Variants in CLRN1 observed in about 807,000 individuals in gnomAD.
The protein encoded by CLRN1 is clarin 1.
A neutral mutation model predicts 18.7 loss-of-function variants in CLRN1; 15 were observed. The ratio of observed to expected loss-of-function variants is 0.80; its 90% CI spans 0.54 to 1.23. The LOEUF is 1.23. Among genes scored for constraint, CLRN1 ranks in the 50% most tolerant of loss-of-function variants. The probability of loss-of-function intolerance (pLI) is 0.00; values close to 1 mark genes in which losing one functional copy is unlikely to be tolerated. For synonymous variants in CLRN1, 104 were observed against 102.9 expected, an observed-to-expected ratio of 1.01 and a Z score of -0.07; for missense variants, 311 against 277.5, an observed-to-expected ratio of 1.12 and a Z score of -0.86.
intron 1 of CLRN1, among the ~76,000 whole-genome samples, chr3:150,971,190 T>A (rs976742042): frequency 1.2e-4 from 18 of 152,190 alleles, no homozygotes; most frequent in Non-Finnish European, 4.4e-5. Flanking sequence ...ACATTCTGCT[T>A]TGTTTTCTTC....
intron 1 of CLRN1, among the ~76,000 whole-genome samples, chr3:150,968,868 T>C (rs1715388074): frequency 6.6e-6 from 1 of 152,146 alleles, no homozygotes; most frequent in African/African-American, 2.4e-5. Context: ...CTCCAGACAC[T>C]GCATATATTC....
At position 150,927,872 on chromosome 3, in the gene CLRN1, A is replaced by C; in HGVS notation, c.*64T>G. The C allele has an allele frequency of 1.9e-6, 3 of 1,584,894 alleles. No homozygotes were observed. Among genetic ancestry groups the C allele is most frequent in the Non-Finnish European group, 2.6e-6 (3 of 1,154,862 alleles). The stretch of plus-strand genomic sequence containing the variant: ...GCAGACTAAAAGGATATGCAAAATT[A>C]ACCACATCTAAAAGTGACCAAAGCA... On this transcript the variant is annotated 3_prime_UTR_variant, in exon 3 of 3. Coordinates refer to ENST00000327047, the MANE Select transcript of CLRN1 (RefSeq NM_174878.3).
intron 1 of CLRN1, 133 bp from the exon 2 acceptor site, chr3:150,941,894 T>C: frequency 1.2e-6 from 1 of 819,080 alleles, no homozygotes; most frequent in Non-Finnish European, 2.0e-6. Flanking sequence ...CATTCTCACT[T>C]ACTAACTTAT....
intron 2 of CLRN1, among the ~76,000 whole-genome samples, chr3:150,930,340 G>C (rs1713070489): frequency 2.0e-5 from 3 of 152,178 alleles, no homozygotes; most frequent in Admixed American, 2.0e-4. Context: ...GTTTGGGGTA[G>C]AGGCAGAGAT....
intron 2 of CLRN1, among the ~76,000 whole-genome samples, chr3:150,930,293 G>C (rs374747616): frequency 6.6e-6 from 1 of 152,220 alleles, no homozygotes; most frequent in East Asian, 1.9e-4. Context: ...TACGGTGCAA[G>C]TGACAGCCCC....
At chr3:150,940,659 T>G (rs774670093) in intron 2 of CLRN1, 2 of 753,476 alleles carry the variant, frequency 2.7e-6, no homozygotes, top group Non-Finnish European at 4.1e-6. Flanking sequence ...GTGTTGGATC[T>G]TTTTGCAAAG....
chr3:150,972,800 GA>G (rs1715620616), upstream of CLRN1: 1 of 1,569,186 alleles, frequency 6.4e-7, no homozygotes, highest in African/African-American at 1.4e-5. Context: ...ATTTATTACG[GA>G]AGCTGAACGG....
At chr3:150,970,865 C>T (rs185955617) in intron 1 of CLRN1, among the ~76,000 whole-genome samples, 6 of 152,268 alleles carry the variant, frequency 3.9e-5, no homozygotes, top group East Asian at 1.9e-4. Flanking sequence ...AAAAATCATT[C>T]GCTAAACCCC....
chr3:150,937,625 A>G (rs922570442), intron 2 of CLRN1, among the ~76,000 whole-genome samples: 11 of 152,214 alleles, frequency 7.2e-5, no homozygotes, highest in Non-Finnish European at 1.3e-4. Flanking sequence ...TGGGAAAAAG[A>G]CTTCTCAGCA....
chr3:150,934,427 A>T (rs1559979337), intron 2 of CLRN1, among the ~76,000 whole-genome samples: 1 of 152,236 alleles, frequency 6.6e-6, no homozygotes, highest in Non-Finnish European at 1.5e-5. Flanking sequence ...AGCTATATGT[A>T]AGAAAGCCTA....
chr3:150,939,002 T>C (rs535127657), intron 2 of CLRN1, among the ~76,000 whole-genome samples: 2 of 152,350 alleles, frequency 1.3e-5, no homozygotes, highest in Admixed American at 6.5e-5. Flanking sequence ...GTCTTCCAAG[T>C]GCGCTGTTCT....
intron 1 of CLRN1, among the ~76,000 whole-genome samples, chr3:150,961,806 G>A (rs554330773): frequency 4.6e-5 from 7 of 152,202 alleles, no homozygotes; most frequent in Admixed American, 6.5e-5. Flanking sequence ...TCCAGTAAAA[G>A]ACATTCTCTG....
rs73153899 is a variant in CLRN1 at position 150,936,694 on chromosome 3, C to T, written c.433+4888G>A. Among the ~76,000 whole-genome samples the T allele has an allele frequency of 3.5e-3, 533 of 152,232 alleles. 5 individuals carry two copies. Among genetic ancestry groups the T allele is most frequent in the Non-Finnish European group, 6.0e-3 (407 of 68,010 alleles). On this transcript the variant is annotated intron_variant, in intron 2 of 2. Coordinates refer to ENST00000327047, the MANE Select transcript of CLRN1 (RefSeq NM_174878.3). ...AAAATCTTTCAAAAGGTTTTCATTG[C>T]AATTAGAATCAATTCTAAAAGACTT...
rs191137258 is a variant in CLRN1 at position 150,927,152 on chromosome 3, T to A, written c.*784A>T. On this transcript the variant is annotated 3_prime_UTR_variant, in exon 3 of 3. Transcript: ENST00000327047. ...ATTGAAAGTACTGTCGTGAATGTAA[T>A]TGGGACTCAGGCACGGGAGGAAAAA... The A allele has an allele frequency of 1.4e-5, 9 of 662,158 alleles. No homozygotes were observed. Among genetic ancestry groups the A allele is most frequent in the Admixed American group, 1.0e-4 (5 of 48,348 alleles). 41.0% of individuals were successfully genotyped at this position (662,158 alleles called of 1,614,324 possible). A position where few individuals can be genotyped will look rare whatever the true frequency, so the allele number is the denominator to read the frequency against.
chr3:150,936,242 C>T (rs1364231164), intron 2 of CLRN1, among the ~76,000 whole-genome samples: 1 of 152,060 alleles, frequency 6.6e-6, no homozygotes, highest in Non-Finnish European at 1.5e-5. Flanking sequence ...GCATTCTCTC[C>T]CTAGGTGATC....
Position 150,926,795 on chromosome 3 carries a change from C to G in CLRN1, c.*1141G>C, listed in dbSNP as rs766354800. 6.2e-7 allele frequency: 1 copy of G among 1,613,902 alleles called. No homozygotes were observed. Among genetic ancestry groups the G allele is most frequent in the Non-Finnish European group, 8.5e-7 (1 of 1,179,966 alleles). On this transcript the variant is annotated 3_prime_UTR_variant, in exon 3 of 3. Transcript: ENST00000327047. ...TGTTTGCTGTCATTCTCTGCTTTTT[C>G]CTTGGTGCTTTCTGGAGGACAGCAG... is the stretch of plus-strand genomic sequence containing the variant.
chr3:150,931,834 GTGTC>G (rs961933922), intron 2 of CLRN1, among the ~76,000 whole-genome samples: 1 of 152,250 alleles, frequency 6.6e-6, no homozygotes, highest in African/African-American at 2.4e-5. Context: ...GATTCCTTAT[GTGTC>G]TGTCTATCTG....
intron 1 of CLRN1, among the ~76,000 whole-genome samples, chr3:150,943,514 C>A (rs1025331683): frequency 2.0e-5 from 3 of 152,194 alleles, no homozygotes; most frequent in Admixed American, 6.5e-5. Flanking sequence ...CCTTCCCATT[C>A]CCTTTTCAGC....
chr3:150,972,877 G>T, upstream of CLRN1: 2 of 854,864 alleles, frequency 2.3e-6, no homozygotes, highest in Non-Finnish European at 3.8e-6. Flanking sequence ...GTCAGTAGAT[G>T]AAGGCCTCAT....
Sources: gnomAD v4.1 joint callset for allele counts (sites outside exome capture counted in the v4.1 genomes callset) on GRCh38, gnomAD v4.1.1 for gene constraint, MANE v1.5 for transcripts, NCBI Gene and HGNC (gene_info 2026-07-23, HGNC 2026-07-21) for gene names.